FRAS1: variants seen among roughly 807,000 people sequenced by gnomAD.
The protein encoded by FRAS1 is extracellular matrix organizing protein FRAS1.
A neutral mutation model predicts 435.2 loss-of-function variants in FRAS1; 290 were observed. The ratio of observed to expected loss-of-function variants is 0.67; its 90% CI spans 0.61 to 0.73. The LOEUF is 0.73. Among genes scored for constraint, FRAS1 ranks in the 30% least tolerant of loss-of-function variants. FRAS1 has a pLI of 0.00. For synonymous variants in FRAS1, 1,800 were observed against 1,851.0 expected, an observed-to-expected ratio of 0.97 and a Z score of 0.71; for missense variants, 4,860 against 5,001.5, an observed-to-expected ratio of 0.97 and a Z score of 0.85.
intron 2 of FRAS1, among the ~76,000 whole-genome samples, chr4:78,214,319 T>C (rs996126280): frequency 2.0e-5 from 3 of 152,226 alleles, no homozygotes; most frequent in African/African-American, 7.2e-5. Flanking sequence ...TGTCTTGAAG[T>C]TATCAACAAG....
chr4:78,059,791 T>G (rs879526010), intron 1 of FRAS1, among the ~76,000 whole-genome samples: 2 of 148,802 alleles, frequency 1.3e-5, no homozygotes, highest in African/African-American at 2.5e-5. Context: ...CTTTGGCAGA[T>G]TGCTTGATCC....
intron 15 of FRAS1, among the ~76,000 whole-genome samples, chr4:78,314,554 A>G (rs1353614715): frequency 6.6e-6 from 1 of 152,210 alleles, no homozygotes; most frequent in East Asian, 1.9e-4. Context: ...ATACAAATAC[A>G]GCCGTGTTTC....
chr4:78,380,060 C>G, intron 27 of FRAS1, 64 bp downstream of exon 27: 1 of 1,553,416 alleles, frequency 6.4e-7, no homozygotes, highest in Non-Finnish European at 8.7e-7. Context: ...CACTCCTCCA[C>G]CCTGTCCCAG....
chr4:78,424,042 C>A (rs1196775547), intron 34 of FRAS1, among the ~76,000 whole-genome samples: 1 of 152,156 alleles, frequency 6.6e-6, no homozygotes, highest in East Asian at 1.9e-4. Flanking sequence ...AATTGACCCA[C>A]CTGAGAGCCC....
chr4:78,213,223 C>T (rs1209514818), intron 2 of FRAS1, among the ~76,000 whole-genome samples: 2 of 152,246 alleles, frequency 1.3e-5, no homozygotes, highest in African/African-American at 4.8e-5. Flanking sequence ...CAAGTTCCTT[C>T]TGTTTTGTAG....
intron 20 of FRAS1, among the ~76,000 whole-genome samples, chr4:78,347,751 ATG>A (rs944787108): frequency 2.0e-4 from 15 of 73,490 alleles, no homozygotes; most frequent in East Asian, 1.0e-3. Context: ...TGGGATGTGT[ATG>A]TGTGTGTGTG....
intron 2 of FRAS1, among the ~76,000 whole-genome samples, chr4:78,236,371 T>C (rs1724763013): frequency 6.6e-6 from 1 of 152,070 alleles, no homozygotes; most frequent in African/African-American, 2.4e-5. Flanking sequence ...GAACAGGTGG[T>C]GTTTACATGG....
intron 2 of FRAS1, among the ~76,000 whole-genome samples, chr4:78,170,139 T>C (rs942338641): frequency 1.3e-5 from 2 of 152,164 alleles, no homozygotes; most frequent in South Asian, 2.1e-4. Flanking sequence ...TCTCCTGTTA[T>C]TCTGTTTTTA....
chr4:78,292,061 A>G (rs1727923127), intron 14 of FRAS1, among the ~76,000 whole-genome samples: 1 of 152,242 alleles, frequency 6.6e-6, no homozygotes, highest in Non-Finnish European at 1.5e-5. Context: ...TAAATACATT[A>G]TGCCTGGCCT....
chr4:78,263,402 T>C (rs4859921), intron 6 of FRAS1, among the ~76,000 whole-genome samples: 143,992 of 152,320 alleles, frequency 0.95, 68,460 homozygotes, highest in Non-Finnish European at 1. Flanking sequence ...TTGCCCTATA[T>C]CAACCACCAT....
intron 2 of FRAS1, among the ~76,000 whole-genome samples, chr4:78,119,768 GT>G (rs1478454391): frequency 6.6e-6 from 1 of 152,182 alleles, no homozygotes; most frequent in African/African-American, 2.4e-5. Context: ...AGGATCCTGA[GT>G]TTTACTTTTA....
chr4:78,160,402 A>G (rs2110023263), intron 2 of FRAS1, among the ~76,000 whole-genome samples: 1 of 152,326 alleles, frequency 6.6e-6, no homozygotes. Context: ...CTTCATAGGA[A>G]AATCCGACTT....
At chr4:78,270,162 G>T (rs1353352284) in intron 9 of FRAS1, among the ~76,000 whole-genome samples, 1 of 152,182 alleles carries the variant, frequency 6.6e-6, no homozygotes, top group Non-Finnish European at 1.5e-5. Flanking sequence ...TGTGGTTTGG[G>T]GCATTGAGGC....
chr4:78,312,881 GAA>G (rs60567547), intron 15 of FRAS1, among the ~76,000 whole-genome samples: 22 of 148,932 alleles, frequency 1.5e-4, no homozygotes, highest in East Asian at 3.9e-4. Flanking sequence ...GAGAGAGAGA[GAA>G]AGAAAGAAAG....
At chr4:78,133,625 A>C (rs1225792431) in intron 2 of FRAS1, among the ~76,000 whole-genome samples, 1 of 152,214 alleles carries the variant, frequency 6.6e-6, no homozygotes, top group Non-Finnish European at 1.5e-5. Flanking sequence ...AAAACATCTC[A>C]TGTACCCCAT....
At chr4:78,067,921 C>T (rs996778384) in intron 2 of FRAS1, among the ~76,000 whole-genome samples, 1 of 147,302 alleles carries the variant, frequency 6.8e-6, no homozygotes, top group African/African-American at 2.5e-5. Flanking sequence ...CCAGGCTGGT[C>T]TTGAATTCCT....
intron 66 of FRAS1, 92 bp from the exon 67 acceptor site, chr4:78,519,239 G>A (rs115254018): frequency 0.018 from 19,629 of 1,094,878 alleles, 218 homozygotes; most frequent in Non-Finnish European, 0.021. Context: ...GTGACTACAT[G>A]GGTGAATGAA....
chr4:78,478,586 A>G (rs929131117), intron 55 of FRAS1, among the ~76,000 whole-genome samples: 2 of 152,204 alleles, frequency 1.3e-5, no homozygotes, highest in Non-Finnish European at 2.9e-5. Context: ...ATGTTGATAA[A>G]AGGGCAATTC....
chr4:78,506,724 C>T (rs1720857463), intron 61 of FRAS1, among the ~76,000 whole-genome samples: 1 of 147,512 alleles, frequency 6.8e-6, no homozygotes, highest in Non-Finnish European at 1.5e-5. Context: ...GGCGACGCCC[C>T]TCCCTGCTTC....
Sources: allele counts gnomAD v4.1 joint callset (sites outside exome capture counted in the v4.1 genomes callset), GRCh38; gene constraint gnomAD v4.1.1; transcripts MANE v1.5; gene names NCBI Gene and HGNC (gene_info 2026-07-23, HGNC 2026-07-21).